Variants in VPS26C observed in about 807,000 individuals in gnomAD.
The protein encoded by VPS26C is VPS26 endosomal protein sorting factor C.
VPS26C carries 19 observed loss-of-function variants against 30.6 expected under a neutral mutation model. That is an observed-to-expected ratio of 0.62 (90% CI 0.43 to 0.91). VPS26C has a LOEUF of 0.91. VPS26C is among the 40% of genes least tolerant of loss of function. The probability of loss-of-function intolerance (pLI) is 0.00; values close to 1 mark genes in which losing one functional copy is unlikely to be tolerated. For synonymous variants in VPS26C, 132 were observed against 151.5 expected, an observed-to-expected ratio of 0.87 and a Z score of 0.95; for missense variants, 318 against 385.1, an observed-to-expected ratio of 0.83 and a Z score of 1.46.
chr21:37,229,099 T>C (rs1263552702), intron 5 of VPS26C: 1 of 152,148 alleles, frequency 6.6e-6, no homozygotes, highest in Admixed American at 6.5e-5. Flanking sequence ...TCATGGAAAT[T>C]TGAAGAAAAC....
chr21:37,259,731 T>G (rs923188805), intron 1 of VPS26C, among the ~76,000 whole-genome samples: 1 of 152,112 alleles, frequency 6.6e-6, no homozygotes, highest in Non-Finnish European at 1.5e-5. Context: ...CCTCCGTATG[T>G]TCTCCTTGGT....
chr21:37,228,086 A>G, intron 6 of VPS26C, 137 bp downstream of exon 6: 1 of 1,308,288 alleles, frequency 7.6e-7, no homozygotes, highest in Non-Finnish European at 1.0e-6. Flanking sequence ...CCACCCTCCC[A>G]CCTCAGCCTC....
chr21:37,238,275 A>G, intron 3 of VPS26C, 185 bp downstream of exon 3: 1 of 646,574 alleles, frequency 1.5e-6, no homozygotes, highest in East Asian at 3.1e-5. Context: ...CATCAGAAAT[A>G]ACGGCCATAC....
intron 1 of VPS26C, among the ~76,000 whole-genome samples, chr21:37,246,422 C>T (rs764626519): frequency 2.2e-4 from 34 of 151,518 alleles, no homozygotes; most frequent in Non-Finnish European, 3.8e-4. Context: ...AATAAAAAAA[C>T]CCAACCAAAC....
At chr21:37,265,174 T>A (rs949057456) in intron 1 of VPS26C, among the ~76,000 whole-genome samples, 5 of 152,170 alleles carry the variant, frequency 3.3e-5, no homozygotes, top group African/African-American at 1.2e-4. Flanking sequence ...AGGGTTTCTT[T>A]TTGGGGTGAA....
At chr21:37,238,695 C>A (rs58526204) in intron 2 of VPS26C, 86 bp from the exon 3 acceptor site, 1 of 1,515,232 alleles carries the variant, frequency 6.6e-7, no homozygotes, top group Admixed American at 1.8e-5. Context: ...GGACACAGCA[C>A]CCCGACCCCC....
chr21:37,237,417 G>A (rs2086036718), intron 3 of VPS26C: 1 of 152,150 alleles, frequency 6.6e-6, no homozygotes, highest in African/African-American at 2.4e-5. Flanking sequence ...CTTTCAGGGT[G>A]GAAACAGTCC....
chr21:37,231,293 C>G (rs953861389), intron 5 of VPS26C, among the ~76,000 whole-genome samples: 10 of 152,220 alleles, frequency 6.6e-5, no homozygotes, highest in Non-Finnish European at 1.5e-4. Flanking sequence ...GCCACTGCGT[C>G]CGTCATGGAA....
upstream of VPS26C, chr21:37,267,852 C>G (rs369767279): frequency 1.3e-5 from 2 of 154,750 alleles, no homozygotes; most frequent in Non-Finnish European, 2.9e-5. Context: ...CGCTTTCTCC[C>G]TGGGGTTCTG....
At position 37,238,550 on chromosome 21, in the gene VPS26C, G is replaced by A. The variant is rs1205064374; in HGVS notation, c.261C>T (p.Gly87=). The change falls in exon 3 of 8, where the codon GGC becomes GGT. Residue 87 remains glycine, a synonymous_variant. Transcript: ENST00000309117. ...EMVKPGKFPS[G]KTEIPFEFPL... Reference sequence around the variant, plus strand: ...GAAATTCAAAAGGGATTTCTGTTTTGCCGCTGGGAAATTTCCCCGGCTTCA... The same window carrying A: ...GAAATTCAAAAGGGATTTCTGTTTTACCGCTGGGAAATTTCCCCGGCTTCA... 5 of 1,614,160 alleles carry A rather than the reference G, an allele frequency of 3.1e-6. No homozygotes were observed. The highest frequency in any genetic ancestry group is 1.1e-5 in the South Asian group (1 of 91,086).
intron 4 of VPS26C, chr21:37,232,738 G>A (rs2085979003): frequency 1.9e-6 from 1 of 514,036 alleles, no homozygotes. Context: ...CAGTGTTATT[G>A]GCAAGTACTT....
chr21:37,240,368 T>C, intron 2 of VPS26C, 128 bp downstream of exon 2: 4 of 1,010,024 alleles, frequency 4.0e-6, no homozygotes, highest in Non-Finnish European at 5.8e-6. Flanking sequence ...CAAGCGATCC[T>C]CCCGCCTTGG....
chr21:37,264,176 A>C (rs1312799533), intron 1 of VPS26C, among the ~76,000 whole-genome samples: 1 of 152,258 alleles, frequency 6.6e-6, no homozygotes, highest in Non-Finnish European at 1.5e-5. Flanking sequence ...CCTTTTAAAA[A>C]AACATAGCAA....
chr21:37,247,093 T>C (rs1328030792), intron 1 of VPS26C, among the ~76,000 whole-genome samples: 1 of 152,206 alleles, frequency 6.6e-6, no homozygotes, highest in Non-Finnish European at 1.5e-5. Context: ...CATATGTGAC[T>C]ATTGAAACTT....
At position 37,233,212 on chromosome 21, in the gene VPS26C, C is replaced by T. The variant is rs776457989; in HGVS notation, c.432+150G>A. 1.5e-6 allele frequency: 1 copy of T among 672,498 alleles called. No homozygotes were observed. The highest frequency in any genetic ancestry group is 2.6e-6 in the Non-Finnish European group (1 of 383,060). The allele number at this position is 672,498 out of a possible 1,614,324, so 41.7% of individuals were successfully genotyped here. On this transcript the variant is annotated intron_variant, in intron 4 of 7. Transcript: ENST00000309117. The surrounding 1 kb of genome is among the most constrained non-coding windows in gnomAD (Gnocchi z 5.2). ...TGATGCACACGTGATGCGCATGCCA[C>T]CGACTGTCTCTGACCCAGAAGTCTT...
Position 37,241,600 on chromosome 21 carries a change from T to A in VPS26C, c.58-961A>T, listed in dbSNP as rs1051645974. ...TCAGAGGCCAAGGTGGACAGGTTGC[T>A]TGAGCCTAGGAGTTTGAGACCAGCC... On this transcript the variant is annotated intron_variant, in intron 1 of 7. Transcript: ENST00000309117. Among the ~76,000 whole-genome samples the A allele has an allele frequency of 2.6e-5, 4 of 152,300 alleles. No homozygotes were observed. In the East Asian group the frequency reaches 7.7e-4, roughly 29 times the overall value.
chr21:37,245,137 G>T (rs2086124677), intron 1 of VPS26C, among the ~76,000 whole-genome samples: 1 of 152,252 alleles, frequency 6.6e-6, no homozygotes, highest in South Asian at 2.1e-4. Flanking sequence ...AGGAGCACAT[G>T]ACATCTAATG....
At chr21:37,230,464 CTACAA>C (rs2085949887) in intron 5 of VPS26C, 1 of 152,228 alleles carries the variant, frequency 6.6e-6, no homozygotes, top group Non-Finnish European at 1.5e-5. Context: ...ACAAGATTTT[CTACAA>C]TACATCTCTT....
chr21:37,239,006 C>T (rs1050450080), intron 2 of VPS26C, among the ~76,000 whole-genome samples: 3 of 152,192 alleles, frequency 2.0e-5, no homozygotes, highest in Admixed American at 2.0e-4. Context: ...GCCCCGTGCT[C>T]TTCTGGGCAG....
Sources: allele counts gnomAD v4.1 joint callset (sites outside exome capture counted in the v4.1 genomes callset), GRCh38; gene constraint gnomAD v4.1.1; non-coding constraint Gnocchi (gnomAD v3.1); transcripts MANE v1.5; gene names NCBI Gene and HGNC (gene_info 2026-07-23, HGNC 2026-07-21).